CCDC178: variants seen among roughly 807,000 people sequenced by gnomAD.
CCDC178 encodes coiled-coil domain containing 178.
Under a neutral mutation model 117.4 loss-of-function variants are expected in CCDC178, and 126 were observed. That is an observed-to-expected ratio of 1.07 (90% confidence interval 0.93 to 1.24). CCDC178 has a LOEUF of 1.24. Among genes scored for constraint, CCDC178 ranks in the 50% most tolerant of loss-of-function variants. The probability of loss-of-function intolerance (pLI) is 0.00; values close to 1 mark genes in which losing one functional copy is unlikely to be tolerated. For synonymous variants in CCDC178, 283 were observed against 313.4 expected, an observed-to-expected ratio of 0.90 and a Z score of 1.02; for missense variants, 1,030 against 986.9, an observed-to-expected ratio of 1.04 and a Z score of -0.59.
chr18:33,427,593 A>C (rs1420710352), intron 2 of CCDC178, among the ~76,000 whole-genome samples: 1 of 152,160 alleles, frequency 6.6e-6, no homozygotes, highest in Non-Finnish European at 1.5e-5. Context: ...CATCCAATAG[A>C]TTAGAGTTAA....
At chr18:33,313,062 C>T (rs951496184) in intron 11 of CCDC178, among the ~76,000 whole-genome samples, 14 of 152,216 alleles carry the variant, frequency 9.2e-5, no homozygotes, top group African/African-American at 3.4e-4. Context: ...TGCTCTTCCA[C>T]TGGGATGCGC....
chr18:33,239,928 G>T (rs905303743), intron 15 of CCDC178, among the ~76,000 whole-genome samples: 2 of 151,834 alleles, frequency 1.3e-5, no homozygotes, highest in African/African-American at 2.4e-5. Context: ...AACAGCTGCA[G>T]AATACATTCT....
chr18:32,942,470 A>G (rs2054260863), intron 22 of CCDC178, among the ~76,000 whole-genome samples: 1 of 152,104 alleles, frequency 6.6e-6, no homozygotes, highest in Admixed American at 6.6e-5. Context: ...AAAGTAGCAC[A>G]CATTTTTCAT....
At position 33,245,251 on chromosome 18, in the gene CCDC178, C is replaced by T. The variant is rs117054944; in HGVS notation, c.1587G>A (p.Lys529=). Residue 529 remains lysine, a synonymous_variant, in exon 15 of 23, where the codon AAG becomes AAA. Transcript: ENST00000383096. ...MEDKIAEVRR[K]FKGREEFLKK... is the part of the protein sequence containing the mutation. ...GAACACAAAGATACACAACCTTGAA[C>T]TTTCTTCTCACTTCTGCTATTTTAT... The T allele has an allele frequency of 3.8e-3, 6,039 of 1,579,212 alleles. 23 individuals are homozygous for T. The highest frequency in any genetic ancestry group is 4.3e-3 in the Non-Finnish European group (5,030 of 1,166,454).
chr18:33,309,514 C>T (rs573350290), intron 11 of CCDC178, among the ~76,000 whole-genome samples: 10 of 152,148 alleles, frequency 6.6e-5, no homozygotes, highest in East Asian at 3.9e-4. Flanking sequence ...ATAATAAATG[C>T]TTATTAAATG....
chr18:33,378,209 G>GA (rs2063390273), intron 5 of CCDC178, among the ~76,000 whole-genome samples: 2 of 152,238 alleles, frequency 1.3e-5, no homozygotes, highest in South Asian at 4.1e-4. Context: ...GTGACTATTG[G>GA]AAATGGAACT....
chr18:33,436,986 C>T (rs6507028), intron 2 of CCDC178, among the ~76,000 whole-genome samples: 122,873 of 152,136 alleles, frequency 0.81, 49,841 homozygotes, highest in East Asian at 1. Flanking sequence ...TCTTGTGTTG[C>T]TTCTGTGTTA....
At chr18:33,245,856 T>C (rs1460300607) in intron 14 of CCDC178, among the ~76,000 whole-genome samples, 2 of 151,912 alleles carry the variant, frequency 1.3e-5, no homozygotes, top group South Asian at 4.1e-4. Context: ...TTAACATTTG[T>C]GGTGGCACAA....
At chr18:33,385,651 T>A (rs918739371) in intron 5 of CCDC178, among the ~76,000 whole-genome samples, 2 of 152,180 alleles carry the variant, frequency 1.3e-5, no homozygotes, top group Non-Finnish European at 1.5e-5. Flanking sequence ...ATCAAGAAGT[T>A]CTTTGAAACA....
intron 3 of CCDC178, among the ~76,000 whole-genome samples, chr18:33,408,522 T>C (rs1461817675): frequency 6.6e-6 from 1 of 151,932 alleles, no homozygotes; most frequent in Non-Finnish European, 1.5e-5. Flanking sequence ...TTAATATTTA[T>C]ATGTAATATA....
intron 21 of CCDC178, among the ~76,000 whole-genome samples, chr18:32,989,294 C>T (rs1412014838): frequency 1.3e-5 from 2 of 152,072 alleles, no homozygotes; most frequent in Admixed American, 6.6e-5. Flanking sequence ...TCTAGGAACG[C>T]AAGACTTAAA....
intron 6 of CCDC178, among the ~76,000 whole-genome samples, chr18:33,357,784 C>T (rs559993997): frequency 6.6e-6 from 1 of 151,678 alleles, no homozygotes; most frequent in African/African-American, 2.4e-5. Context: ...TTCCCATATC[C>T]TACCAAAATC....
chr18:33,283,444 A>C (rs886314739), intron 12 of CCDC178, among the ~76,000 whole-genome samples: 5 of 152,230 alleles, frequency 3.3e-5, no homozygotes, highest in African/African-American at 4.8e-5. Context: ...CAGTTTCTGC[A>C]CAGCAAGAGA....
At chr18:32,986,362 C>T (rs942059308) in intron 21 of CCDC178, among the ~76,000 whole-genome samples, 1 of 151,918 alleles carries the variant, frequency 6.6e-6, no homozygotes, top group Non-Finnish European at 1.5e-5. Flanking sequence ...TTTTTGTTTT[C>T]CCCTTGGCTT....
At chr18:33,333,119 G>GT (rs2062692433) in intron 10 of CCDC178, 55 bp downstream of exon 10, 1 of 1,079,072 alleles carries the variant, frequency 9.3e-7, no homozygotes, top group East Asian at 2.4e-5. Context: ...TGGTTGAAAA[G>GT]TTTTTGCATA....
At chr18:33,315,871 AAAGAT>A (rs1308282854) in intron 11 of CCDC178, among the ~76,000 whole-genome samples, 1 of 152,136 alleles carries the variant, frequency 6.6e-6, no homozygotes, top group African/African-American at 2.4e-5. Context: ...ATTTTGTGTT[AAAGAT>A]AATAATACCG....
At chr18:33,211,803 T>C in intron 20 of CCDC178, 93 bp downstream of exon 20, 1 of 980,100 alleles carries the variant, frequency 1.0e-6, no homozygotes, top group South Asian at 1.5e-5. Context: ...TTAACACCCT[T>C]GCTACTTCAG....
intron 20 of CCDC178, among the ~76,000 whole-genome samples, chr18:33,211,009 A>C (rs567954611): frequency 1.8e-3 from 270 of 152,120 alleles, no homozygotes; most frequent in African/African-American, 6.0e-3. Flanking sequence ...CTTTAAAAAA[A>C]AGTTCTCACA....
At chr18:33,189,113 G>C (rs1181061948) in intron 20 of CCDC178, among the ~76,000 whole-genome samples, 2 of 152,114 alleles carry the variant, frequency 1.3e-5, no homozygotes, top group Non-Finnish European at 2.9e-5. Flanking sequence ...TGAAATGCAG[G>C]AGTTTCTTTG....
Sources: gnomAD v4.1 joint callset for allele counts (sites outside exome capture counted in the v4.1 genomes callset) on GRCh38, gnomAD v4.1.1 for gene constraint, MANE v1.5 for transcripts, NCBI Gene and HGNC (gene_info 2026-07-23, HGNC 2026-07-21) for gene names.